The following RIMBP2 variants were observed in gnomAD, a reference collection of about 807,000 sequenced individuals.
RIMBP2 encodes RIMS-binding protein 2.
RIMBP2 carries 48 observed loss-of-function variants against 118.6 expected under a neutral mutation model. The ratio of observed to expected loss-of-function variants is 0.40; its 90% CI spans 0.32 to 0.51. RIMBP2 has a LOEUF of 0.51. Among genes scored for constraint, RIMBP2 ranks in the 20% least tolerant of loss-of-function variants. RIMBP2 has a pLI of 0.41. For synonymous variants in RIMBP2, 762 were observed against 742.9 expected, an observed-to-expected ratio of 1.03 and a Z score of -0.42; for missense variants, 1,551 against 1,768.3, an observed-to-expected ratio of 0.88 and a Z score of 2.20.
chr12:130,562,800 C>T (rs1480325804), intron 2 of RIMBP2, among the ~76,000 whole-genome samples: 1 of 152,228 alleles, frequency 6.6e-6, no homozygotes, highest in Non-Finnish European at 1.5e-5. Context: ...CAGCAAGCAA[C>T]CAAGTGCCTT....
At chr12:130,468,676 C>T (rs1183158112) in intron 6 of RIMBP2, among the ~76,000 whole-genome samples, 13 of 152,180 alleles carry the variant, frequency 8.5e-5, no homozygotes, top group African/African-American at 1.7e-4. Flanking sequence ...AGAGGCAGAA[C>T]GGAAGGTTGT....
At chr12:130,579,431 T>C (rs1394244771) in intron 2 of RIMBP2, among the ~76,000 whole-genome samples, 2 of 152,212 alleles carry the variant, frequency 1.3e-5, no homozygotes, top group Non-Finnish European at 2.9e-5. Context: ...TCACAACTCG[T>C]TAGGCACGTC....
At chr12:130,656,260 T>C (rs1489274612) in intron 1 of RIMBP2, among the ~76,000 whole-genome samples, 2 of 151,840 alleles carry the variant, frequency 1.3e-5, no homozygotes, top group Non-Finnish European at 2.9e-5. Context: ...AGAGGCACCT[T>C]CCCTCCCACA....
chr12:130,555,809 G>C (rs966504914), intron 2 of RIMBP2, among the ~76,000 whole-genome samples: 2 of 152,200 alleles, frequency 1.3e-5, no homozygotes, highest in Non-Finnish European at 2.9e-5. Context: ...GAGATTGTCC[G>C]AGACCTTGAA....
intron 2 of RIMBP2, among the ~76,000 whole-genome samples, chr12:130,612,116 A>C (rs2060593083): frequency 6.6e-6 from 1 of 152,064 alleles, no homozygotes; most frequent in Admixed American, 6.5e-5. Flanking sequence ...CACACAGCAC[A>C]GCTCAGAGTC....
intron 1 of RIMBP2, among the ~76,000 whole-genome samples, chr12:130,650,231 G>A (rs1239278763): frequency 6.6e-6 from 1 of 152,172 alleles, no homozygotes; most frequent in East Asian, 1.9e-4. Flanking sequence ...GTGCAGCGTG[G>A]TCCCTGGGTG....
At chr12:130,586,917 G>T (rs1301582371) in intron 2 of RIMBP2, among the ~76,000 whole-genome samples, 6 of 80,946 alleles carry the variant, frequency 7.4e-5, no homozygotes, top group African/African-American at 2.5e-4. Flanking sequence ...GAAAATTTTC[G>T]CAACCTACTC....
intron 22 of RIMBP2, chr12:130,399,177 T>C: frequency 7.4e-7 from 1 of 1,352,198 alleles, no homozygotes; most frequent in Non-Finnish European, 9.6e-7. Flanking sequence ...TCCAAGCAGA[T>C]GAGCAAAGAA....
intron 10 of RIMBP2, among the ~76,000 whole-genome samples, chr12:130,443,020 C>T (rs542670019): frequency 3.3e-5 from 5 of 152,246 alleles, no homozygotes; most frequent in Admixed American, 3.3e-4. Flanking sequence ...GACAGCTGGC[C>T]CACAACAGTG....
chr12:130,563,876 C>T (rs1205754646), intron 2 of RIMBP2, among the ~76,000 whole-genome samples: 1 of 152,184 alleles, frequency 6.6e-6, no homozygotes, highest in African/African-American at 2.4e-5. Flanking sequence ...AGTGGTTTTC[C>T]GTTTCAATTA....
At chr12:130,464,224 C>T (rs1164492094) in intron 6 of RIMBP2, among the ~76,000 whole-genome samples, 3 of 152,256 alleles carry the variant, frequency 2.0e-5, no homozygotes, top group African/African-American at 4.8e-5. Flanking sequence ...TTTCGCCTTC[C>T]TCTACGGACT....
intron 11 of RIMBP2, among the ~76,000 whole-genome samples, chr12:130,439,033 G>T (rs533123302): frequency 2.0e-5 from 3 of 146,446 alleles, no homozygotes; most frequent in African/African-American, 7.6e-5. Context: ...TGCCCGGACC[G>T]CATATTCCCC....
chr12:130,664,759 C>T (rs894668747), intron 1 of RIMBP2, among the ~76,000 whole-genome samples: 5 of 151,770 alleles, frequency 3.3e-5, no homozygotes, highest in African/African-American at 7.3e-5. Flanking sequence ...AAGGAGCTCC[C>T]GCTGACCTTT....
intron 11 of RIMBP2, 143 bp downstream of exon 11, chr12:130,441,705 G>A (rs1396218844): frequency 1.9e-5 from 14 of 724,118 alleles, no homozygotes; most frequent in East Asian, 1.1e-4. Context: ...TCTGTGCTTC[G>A]CCGGTGACCT....
intron 3 of RIMBP2, 144 bp from the exon 4 acceptor site, chr12:130,506,914 A>G: frequency 1.4e-5 from 8 of 580,098 alleles, no homozygotes; most frequent in Non-Finnish European, 1.7e-5. Context: ...GACTGGGTCC[A>G]CTCCTACTAG....
At chr12:130,685,500 C>A (rs1402852070) in intron 1 of RIMBP2, among the ~76,000 whole-genome samples, 2 of 152,138 alleles carry the variant, frequency 1.3e-5, no homozygotes, top group African/African-American at 4.8e-5. Flanking sequence ...ATGTCATCCG[C>A]CTGACCCTGT....
Position 130,438,351 on chromosome 12 carries a change from C to CCAAA in RIMBP2, c.1656+13_1656+14insTTTG. 3 of 1,589,924 alleles carry CCAAA rather than the reference C, an allele frequency of 1.9e-6. No individual in the cohort carries two copies. Among genetic ancestry groups the CCAAA allele is most frequent in the Non-Finnish European group, 1.7e-6 (2 of 1,158,612 alleles). On this transcript the variant is annotated intron_variant, in intron 12 of 22. Transcript: ENST00000690449. ...GCCTAACAAACCCTCCCCACCCACC[C>CCAAA]AACGAAAACTCACCCTCTGCCCTTT...
intron 2 of RIMBP2, among the ~76,000 whole-genome samples, chr12:130,537,836 T>C (rs1185754096): frequency 6.6e-6 from 1 of 152,230 alleles, no homozygotes; most frequent in Non-Finnish European, 1.5e-5. Context: ...AGAGAGGCTA[T>C]GTCAGCGCTC....
At position 130,424,377 on chromosome 12, in the gene RIMBP2, G is replaced by T; in HGVS notation, c.2894C>A (p.Thr965Asn). The T allele has an allele frequency of 8.1e-7, 1 of 1,232,746 alleles. No homozygotes were observed. The highest frequency in any genetic ancestry group is 1.0e-6 in the Non-Finnish European group (1 of 988,192). 76.4% of individuals were successfully genotyped at this position (1,232,746 alleles called of 1,614,324 possible). Reference protein sequence around the residue: ...RPLLARRRTLTRQSSVEEDFG... With the variant: ...RPLLARRRTLNRQSSVEEDFG... ...GTCCTCCTCCACGCTGCTCTGCCGG[G>T]TCAGCGTCCGCCGCCGGGCCAGCAG... The change falls in exon 16 of 23, where the codon ACC (threonine) becomes AAC (asparagine). Residue 965 changes from threonine to asparagine, a missense_variant. Physicochemically the swap from Thr to Asn is moderately conservative, Grantham distance 65. Around this residue, in one of 5 missense-constraint regions of RIMBP2, gnomAD observed 1,038 missense variants for 1,125.1 expected, o/e 0.92. Transcript: ENST00000690449. The surrounding 1 kb of genome is among the most constrained non-coding windows in gnomAD (Gnocchi z 9.8).
Sources: gnomAD v4.1 joint callset for allele counts (sites outside exome capture counted in the v4.1 genomes callset) on GRCh38, gnomAD v4.1.1 for gene constraint, gnomAD v4.1.1 regional missense constraint, Gnocchi (gnomAD v3.1) non-coding constraint, MANE v1.5 for transcripts, NCBI Gene and HGNC (gene_info 2026-07-23, HGNC 2026-07-21) for gene names.